Variants in SLIT3 observed in about 807,000 individuals in gnomAD.
SLIT3 encodes the protein slit guidance ligand 3, also known as slit homolog 3 protein.
SLIT3 carries 68 observed loss-of-function variants against 184.0 expected under a neutral mutation model. The observed-to-expected ratio is 0.37, with a 90% CI of 0.30 to 0.45. The LOEUF (loss-of-function observed/expected upper bound fraction) is 0.45. SLIT3 is among the 20% of genes least tolerant of loss of function. The probability of loss-of-function intolerance (pLI) is 1.00; values close to 1 mark genes in which losing one functional copy is unlikely to be tolerated. For missense variants in SLIT3, 1,707 were observed against 2,026.0 expected, an observed-to-expected ratio of 0.84 and a Z score of 3.02; for synonymous variants, 831 against 828.6, an observed-to-expected ratio of 1.00 and a Z score of -0.05.
chr5:168,788,031 G>C (rs758199506), intron 11 of SLIT3, among the ~76,000 whole-genome samples: 1 of 152,034 alleles, frequency 6.6e-6, no homozygotes, highest in Non-Finnish European at 1.5e-5. Flanking sequence ...TTTCAGAATC[G>C]GGCAGCAGCA....
chr5:169,236,801 C>T (rs983456052), intron 3 of SLIT3, among the ~76,000 whole-genome samples: 4 of 152,138 alleles, frequency 2.6e-5, no homozygotes, highest in African/African-American at 9.7e-5. Flanking sequence ...CATATTAATT[C>T]ATATAAATAC....
chr5:169,127,066 G>C (rs1761105590), intron 4 of SLIT3, among the ~76,000 whole-genome samples: 1 of 152,158 alleles, frequency 6.6e-6, no homozygotes, highest in African/African-American at 2.4e-5. Context: ...AGTTACTCCT[G>C]TTGATCAGAC....
chr5:169,144,254 C>T (rs1761852983), intron 4 of SLIT3, among the ~76,000 whole-genome samples: 1 of 152,190 alleles, frequency 6.6e-6, no homozygotes, highest in African/African-American at 2.4e-5. Context: ...TCCCTAGGAG[C>T]AGAATGCTCC....
chr5:169,223,180 A>G (rs548023782), intron 3 of SLIT3, among the ~76,000 whole-genome samples: 4 of 152,298 alleles, frequency 2.6e-5, no homozygotes, highest in Admixed American at 2.6e-4. Flanking sequence ...AGCATCTGAC[A>G]TACCATGTGC....
At chr5:169,188,747 T>C (rs1000245699) in intron 4 of SLIT3, among the ~76,000 whole-genome samples, 4 of 152,178 alleles carry the variant, frequency 2.6e-5, no homozygotes, top group African/African-American at 9.7e-5. Flanking sequence ...CCAATTATTT[T>C]CCCCCAGATA....
At chr5:168,827,840 C>CCTGTTTTT (rs1210271142) in intron 6 of SLIT3, among the ~76,000 whole-genome samples, 1 of 152,192 alleles carries the variant, frequency 6.6e-6, no homozygotes, top group Non-Finnish European at 1.5e-5. Flanking sequence ...TCCAATGCAG[C>CCTGTTTTT]CTGTTTTTGT....
intron 1 of SLIT3, among the ~76,000 whole-genome samples, chr5:169,295,855 A>C (rs17071071): frequency 0.017 from 2,545 of 152,364 alleles, 27 homozygotes; most frequent in Middle Eastern, 0.027. Context: ...TAATACAAGA[A>C]GAGCAGCAAT....
In SLIT3 at chr5:168,937,892, T is replaced by C. The variant is rs562642145; in HGVS notation, c.414-54556A>G. ...ATAATCATTATGCATTTTTTTTTTT[T>C]CCCAAAGCAAACCCTCAGATTCACA... On this transcript the variant is annotated intron_variant, in intron 4 of 35. Transcript: ENST00000519560. Among the ~76,000 whole-genome samples, 12 of 149,570 alleles carry C rather than the reference T, an allele frequency of 8.0e-5. No individual in the cohort carries two copies. The South Asian group carries it at 1.3e-3, about 16-fold the overall frequency.
chr5:168,734,536 ATGATATTACAGGTGTTCCATGTGCTGG>A (rs1057303411), intron 20 of SLIT3, among the ~76,000 whole-genome samples: 2 of 152,152 alleles, frequency 1.3e-5, no homozygotes, highest in African/African-American at 2.4e-5. Flanking sequence ...ACACCTACCA[ATGATATTACAGGTGTTCCATGTGCTGG>A]TGATATTACA....
At chr5:168,789,240 C>T (rs530559193) in intron 11 of SLIT3, among the ~76,000 whole-genome samples, 50 of 11,166 alleles carry the variant, frequency 4.5e-3, no homozygotes, top group Admixed American at 9.2e-3. Flanking sequence ...GATAGCGCTG[C>T]GGTGGCATGT....
intron 4 of SLIT3, among the ~76,000 whole-genome samples, chr5:168,970,513 A>C (rs937406644): frequency 2.4e-4 from 37 of 151,554 alleles, no homozygotes; most frequent in Non-Finnish European, 4.4e-4. Flanking sequence ...AAAAAAAAAA[A>C]AACAAAGACA....
intron 3 of SLIT3, among the ~76,000 whole-genome samples, chr5:169,214,561 T>C (rs1279878788): frequency 1.3e-5 from 2 of 152,140 alleles, no homozygotes; most frequent in East Asian, 3.9e-4. Flanking sequence ...TGTGAAAAGG[T>C]GGGTAGAGGG....
At position 169,154,798 on chromosome 5, in the gene SLIT3, C is replaced by T. The variant is rs1762243690; in HGVS notation, c.413+38681G>A. ...GTGTGGACATTCAGGAATTCTAAAA[C>T]TTAGTTTGAAATATGTAGCAAACTG... is the stretch of plus-strand genomic sequence containing the variant. On this transcript the variant is annotated intron_variant, in intron 4 of 35. Coordinates refer to ENST00000519560, the MANE Select transcript of SLIT3 (RefSeq NM_003062.4). 2.0e-5 allele frequency among the ~76,000 whole-genome samples: 3 copies of T among 152,322 alleles called. No individual in the cohort carries two copies. In the South Asian group the frequency reaches 6.2e-4, roughly 32 times the overall value.
In SLIT3 at chr5:168,756,972, A is replaced by G. The variant is rs923814509; in HGVS notation, c.1686-2965T>C. Among the ~76,000 whole-genome samples, 8 of 152,310 alleles carry G rather than the reference A, an allele frequency of 5.3e-5. No homozygotes were observed. The South Asian group carries it at 1.5e-3, about 28-fold the overall frequency. On this transcript the variant is annotated intron_variant, in intron 16 of 35. Coordinates refer to ENST00000519560, the MANE Select transcript of SLIT3 (RefSeq NM_003062.4). ...GGAGAATGGAAAACAGAAGGAGAGTAAAAAAGAGGGGGATATAATTTTCCA... is the reference window on the plus strand; with the variant it reads ...GGAGAATGGAAAACAGAAGGAGAGTGAAAAAGAGGGGGATATAATTTTCCA...
intron 4 of SLIT3, among the ~76,000 whole-genome samples, chr5:168,913,102 C>A: frequency 6.6e-6 from 1 of 152,200 alleles, no homozygotes; most frequent in Non-Finnish European, 1.5e-5. Flanking sequence ...CTCCTTACCA[C>A]TTGCCTGTAC....
At chr5:169,263,797 A>G (rs1250640253) in intron 1 of SLIT3, 2 of 417,466 alleles carry the variant, frequency 4.8e-6, no homozygotes, top group Non-Finnish European at 9.4e-6. Context: ...TGCACAACTC[A>G]TTTTGGTCTT....
chr5:169,160,265 A>T (rs1272786661), intron 4 of SLIT3, among the ~76,000 whole-genome samples: 1 of 152,218 alleles, frequency 6.6e-6, no homozygotes, highest in Non-Finnish European at 1.5e-5. Flanking sequence ...TCTTCCTTTT[A>T]TAATGAGAAA....
At chr5:169,169,136 T>C (rs376363482) in intron 4 of SLIT3, among the ~76,000 whole-genome samples, 163 of 152,314 alleles carry the variant, frequency 1.1e-3, no homozygotes, top group African/African-American at 3.8e-3. Flanking sequence ...CCTAACCTGC[T>C]AGATGAAGAG....
At chr5:168,951,817 T>C (rs1267015408) in intron 4 of SLIT3, among the ~76,000 whole-genome samples, 1 of 152,140 alleles carries the variant, frequency 6.6e-6, no homozygotes, top group Non-Finnish European at 1.5e-5. Flanking sequence ...TATAAAACTG[T>C]CTCATGAAGA....
Sources: allele counts gnomAD v4.1 joint callset (sites outside exome capture counted in the v4.1 genomes callset), GRCh38; gene constraint gnomAD v4.1.1; transcripts MANE v1.5; gene names NCBI Gene and HGNC (gene_info 2026-07-23, HGNC 2026-07-21).